The following LTA4H variants were observed in gnomAD, a reference collection of about 807,000 sequenced individuals.
LTA4H encodes the protein leukotriene A4 hydrolase.
Under a neutral mutation model 89.8 loss-of-function variants are expected in LTA4H, and 59 were observed. That is an observed-to-expected ratio of 0.66 (90% CI 0.53 to 0.82). The LOEUF (loss-of-function observed/expected upper bound fraction) is 0.82, where lower values mean the gene tolerates loss of function less well. Ranked by LOEUF, LTA4H falls within the 40% of genes least tolerant of loss-of-function variation. The probability of loss-of-function intolerance (pLI) is 0.00; values close to 1 mark genes in which losing one functional copy is unlikely to be tolerated. For missense variants in LTA4H, 617 were observed against 727.0 expected, an observed-to-expected ratio of 0.85 and a Z score of 1.74; for synonymous variants, 227 against 253.1, an observed-to-expected ratio of 0.90 and a Z score of 0.98.
chr12:96,032,842 A>C (rs1950590447), intron 1 of LTA4H, among the ~76,000 whole-genome samples: 1 of 152,228 alleles, frequency 6.6e-6, no homozygotes, highest in African/African-American at 2.4e-5. Flanking sequence ...TTCAAAATTT[A>C]AACATCCTGA....
chr12:96,002,900 T>G, intron 18 of LTA4H, 60 bp downstream of exon 18: 1 of 1,108,590 alleles, frequency 9.0e-7, no homozygotes, highest in South Asian at 1.4e-5. Context: ...GTTTAAATAT[T>G]TGACAGTTTT....
At chr12:96,038,147 G>A (rs952021593), upstream of LTA4H, among the ~76,000 whole-genome samples, 2 of 152,282 alleles carry the variant, frequency 1.3e-5, no homozygotes, top group Non-Finnish European at 2.9e-5. Flanking sequence ...AGATTTCAGA[G>A]GTGTGAGGGA....
chr12:96,019,309 T>C, intron 6 of LTA4H, 69 bp from the exon 7 acceptor site: 1 of 1,349,510 alleles, frequency 7.4e-7, no homozygotes. Flanking sequence ...TAAAAAGTAG[T>C]TAATGTCTTG....
chr12:96,016,847 G>A (rs1215862607), intron 10 of LTA4H, among the ~76,000 whole-genome samples, 197 bp downstream of exon 10: 1 of 151,308 alleles, frequency 6.6e-6, no homozygotes, highest in Non-Finnish European at 1.5e-5. Flanking sequence ...CTTGCAGTGA[G>A]CTAGATCGCA....
chr12:96,036,107 T>C (rs987515829), upstream of LTA4H, among the ~76,000 whole-genome samples: 3 of 149,586 alleles, frequency 2.0e-5, no homozygotes, highest in Non-Finnish European at 4.4e-5. Flanking sequence ...AGTAATTGTT[T>C]TTTGTTTTTA....
chr12:96,024,947 C>G (rs1018056767), intron 3 of LTA4H, among the ~76,000 whole-genome samples: 3 of 152,094 alleles, frequency 2.0e-5, no homozygotes, highest in East Asian at 1.9e-4. Context: ...GGATTACAGG[C>G]GTGAGCCACC....
rs113515171 is a variant in LTA4H, at chr12:96,023,493, C to T, written c.480+986G>A. 5.2e-3 allele frequency among the ~76,000 whole-genome samples: 793 copies of T among 152,170 alleles called. 4 individuals carry two copies. The highest frequency in any genetic ancestry group is 0.018 in the African/African-American group (762 of 41,498). On this transcript the variant is annotated intron_variant, in intron 4 of 18. Transcript: ENST00000228740. ...AGCCTCCCAAGTAGTTGGGACTTCA[C>T]GCAGTTATTAAGTGGTGGAGAAGAG...
Position 96,017,571 on chromosome 12 carries a change from T to TGTC in LTA4H, c.859_861dup (p.Asp287dup). The TGTC allele has an allele frequency of 1.2e-6, 2 of 1,611,044 alleles. No individual in the cohort carries two copies. Among genetic ancestry groups the TGTC allele is most frequent in the Non-Finnish European group, 1.7e-6 (2 of 1,177,894 alleles). ...GTTTAACTTACATTGGAGAGTGACT[T>TGTC]GTCGCCTGCCTACAAAAAAAGAAAA... On this transcript the variant is annotated inframe_insertion, in exon 9 of 19. Transcript: ENST00000228740.
At chr12:96,020,765 G>A (rs967416436) in intron 6 of LTA4H, 2 of 219,886 alleles carry the variant, frequency 9.1e-6, no homozygotes, top group African/African-American at 4.7e-5. Flanking sequence ...CACCCTATGA[G>A]GTAGAAAGTC....
upstream of LTA4H, among the ~76,000 whole-genome samples, chr12:96,039,204 G>GTGA (rs1950670364): frequency 6.6e-6 from 1 of 152,074 alleles, no homozygotes; most frequent in African/African-American, 2.4e-5. Flanking sequence ...GGGCAATGTG[G>GTGA]TGAATCCCTG....
chr12:96,025,434 GA>G (rs1269761382), intron 3 of LTA4H: 2 of 152,206 alleles, frequency 1.3e-5, no homozygotes, highest in African/African-American at 4.8e-5. Context: ...AAAGAAGGGA[GA>G]AAGAACAGTC....
chr12:96,004,014 T>TTTG, intron 16 of LTA4H, 94 bp from the exon 17 acceptor site: 1 of 556,850 alleles, frequency 1.8e-6, no homozygotes, highest in South Asian at 3.0e-5. Context: ...ATTAAAATCC[T>TTTG]AAATATTTTA....
upstream of LTA4H, among the ~76,000 whole-genome samples, chr12:96,037,692 CTT>C (rs1205832896): frequency 1.8e-4 from 20 of 114,160 alleles, no homozygotes; most frequent in Admixed American, 1.7e-4. Context: ...ATTGAGAAAG[CTT>C]TTTTTTTTTT....
intron 6 of LTA4H, among the ~76,000 whole-genome samples, chr12:96,020,349 C>T (rs1287152326): frequency 6.6e-6 from 1 of 152,188 alleles, no homozygotes; most frequent in Non-Finnish European, 1.5e-5. Context: ...GGCATTATGA[C>T]ACCTTGAATG....
chr12:96,030,717 C>T (rs1950562749), intron 1 of LTA4H, among the ~76,000 whole-genome samples: 2 of 152,078 alleles, frequency 1.3e-5, no homozygotes. Flanking sequence ...TATTTTTTTC[C>T]TTTTCTGAAA....
chr12:96,030,084 G>A (rs1409197082), intron 1 of LTA4H, among the ~76,000 whole-genome samples: 2 of 152,038 alleles, frequency 1.3e-5, no homozygotes, highest in Non-Finnish European at 2.9e-5. Context: ...GATCAACAAA[G>A]TCTTTTCTGT....
At chr12:96,013,498 A>G (rs761639342) in intron 13 of LTA4H, among the ~76,000 whole-genome samples, 4 of 152,222 alleles carry the variant, frequency 2.6e-5, no homozygotes, top group Non-Finnish European at 5.9e-5. Context: ...TAATATATCC[A>G]TTACCTCATC....
chr12:96,018,962 A>G (rs1950418278), intron 7 of LTA4H, 59 bp from the exon 8 acceptor site: 1 of 1,417,954 alleles, frequency 7.1e-7, no homozygotes, highest in East Asian at 2.3e-5. Context: ...TACATTTCTT[A>G]AAATTGTATA....
chr12:96,024,584 T>C, intron 3 of LTA4H, 37 bp from the exon 4 acceptor site: 3 of 1,291,728 alleles, frequency 2.3e-6, no homozygotes, highest in Non-Finnish European at 3.4e-6. Context: ...TAGCTATTTA[T>C]CTTTCGCATA....
Sources: allele counts gnomAD v4.1 joint callset (sites outside exome capture counted in the v4.1 genomes callset), GRCh38; gene constraint gnomAD v4.1.1; transcripts MANE v1.5; gene names NCBI Gene and HGNC (gene_info 2026-07-23, HGNC 2026-07-21).